ZNF91: variants seen among roughly 807,000 people sequenced by gnomAD.
ZNF91 encodes the protein zinc finger protein 91 (HPF7, HTF10).
In ZNF91, 7 loss-of-function variants were observed where a neutral mutation model predicts 12.6. The observed-to-expected ratio is 0.55, with a 90% confidence interval of 0.31 to 1.04. The LOEUF (loss-of-function observed/expected upper bound fraction) is 1.04. ZNF91 is among the 50% of genes least tolerant of loss of function. The pLI is 0.05. For synonymous variants in ZNF91, 453 were observed against 462.6 expected, an observed-to-expected ratio of 0.98 and a Z score of 0.27; for missense variants, 1,217 against 1,385.4, an observed-to-expected ratio of 0.88 and a Z score of 1.93.
downstream of ZNF91, chr19:23,338,098 A>T (rs1968049575): frequency 6.6e-6 from 1 of 152,154 alleles, no homozygotes; most frequent in African/African-American, 2.4e-5. Context: ...AATTGATGAA[A>T]ACTTTCCAAC....
chr19:23,359,676 G>A lies in ZNF91; in HGVS notation c.3303C>T (p.Thr1101=), dbSNP rs143698062. 133 of 1,608,452 alleles carry A rather than the reference G, an allele frequency of 8.3e-5. No homozygotes were observed. Among genetic ancestry groups the A allele is most frequent in the East Asian group, 4.1e-4 (18 of 44,432 alleles). ...CTCCACATTTGTAGGGTTTCTCTCC[G>A]GTGTGCAACCTCTTATGTCTAGTTA... is the stretch of plus-strand genomic sequence containing the variant. ...STLTRHKRLH[T]GEKPYKCGEC... The change falls in exon 4 of 4, where the codon ACC becomes ACT. Residue 1101 remains threonine, a synonymous_variant. Transcript: ENST00000300619.
At chr19:23,366,206 C>A (rs1199147277) in intron 3 of ZNF91, among the ~76,000 whole-genome samples, 5 of 151,558 alleles carry the variant, frequency 3.3e-5, no homozygotes, top group Admixed American at 6.6e-5. Context: ...CTGACCCCCC[C>A]ACCTCCCTCC....
At chr19:23,386,061 T>C (rs1969860914) in intron 1 of ZNF91, among the ~76,000 whole-genome samples, 1 of 152,090 alleles carries the variant, frequency 6.6e-6, no homozygotes, top group South Asian at 2.1e-4. Flanking sequence ...ATAATCCCAT[T>C]CACAATTGCT....
chr19:23,305,295 G>T (rs1210082407), intron 3 of ZNF91, among the ~76,000 whole-genome samples: 1 of 152,094 alleles, frequency 6.6e-6, no homozygotes, highest in Admixed American at 6.5e-5. Flanking sequence ...GTAAGTCAGA[G>T]ATCATTTCCC....
intron 1 of ZNF91, among the ~76,000 whole-genome samples, chr19:23,385,959 GA>G (rs551805402): frequency 2.0e-5 from 3 of 151,902 alleles, no homozygotes; most frequent in Admixed American, 1.3e-4. Context: ...CATGCCTTTG[GA>G]AAAAAATAAT....
chr19:23,373,346 TTATATATATA>T (rs200251921), intron 3 of ZNF91, among the ~76,000 whole-genome samples: 3,193 of 85,758 alleles, frequency 0.037, 125 homozygotes, highest in African/African-American at 0.1. Flanking sequence ...TCATGTAATC[TTATATATATA>T]TATATATATA....
chr19:23,372,280 C>G (rs997003525), intron 3 of ZNF91, among the ~76,000 whole-genome samples: 1 of 151,866 alleles, frequency 6.6e-6, no homozygotes, highest in Non-Finnish European at 1.5e-5. Flanking sequence ...ATTTGGCAGC[C>G]ATTCCTGACA....
At chr19:23,315,359 C>T (rs1307699774), upstream of ZNF91, among the ~76,000 whole-genome samples, 2 of 152,154 alleles carry the variant, frequency 1.3e-5, no homozygotes, top group African/African-American at 4.8e-5. Flanking sequence ...GCTGTTTTAC[C>T]TGGACTCTGC....
chr19:23,320,025 A>G (rs1421426944), intron 1 of ZNF91, among the ~76,000 whole-genome samples: 1 of 152,204 alleles, frequency 6.6e-6, no homozygotes, highest in Non-Finnish European at 1.5e-5. Context: ...GTCCAAGGAC[A>G]CAAGAAATAC....
chr19:23,395,453 T>C lies in ZNF91; in HGVS notation c.-99A>G, dbSNP rs1271683540. The C allele has an allele frequency of 6.9e-7, 1 of 1,453,390 alleles. No individual in the cohort carries two copies. Among genetic ancestry groups the C allele is most frequent in the Non-Finnish European group, 9.4e-7 (1 of 1,061,872 alleles). 90.0% of individuals were successfully genotyped at this position (1,453,390 alleles called of 1,614,324 possible). ...AGCAGTGAAGTCGAGACCTGGAAACTCCGGCGGCAGCGAGAGACAAAGGCC... is the reference window on the plus strand; with the variant it reads ...AGCAGTGAAGTCGAGACCTGGAAACCCCGGCGGCAGCGAGAGACAAAGGCC... On this transcript the variant is annotated 5_prime_UTR_variant, in exon 1 of 4. Coordinates refer to ENST00000300619, the MANE Select transcript of ZNF91 (RefSeq NM_003430.4).
At chr19:23,387,772 T>C (rs1461277480) in intron 1 of ZNF91, among the ~76,000 whole-genome samples, 2 of 151,512 alleles carry the variant, frequency 1.3e-5, no homozygotes, top group African/African-American at 2.4e-5. Context: ...AAACCCCATC[T>C]CTTCTAAAAA....
upstream of ZNF91, among the ~76,000 whole-genome samples, chr19:23,311,243 T>C (rs942529767): frequency 2.4e-4 from 36 of 152,056 alleles, no homozygotes; most frequent in Non-Finnish European, 5.9e-5. Flanking sequence ...CTCTGACCAA[T>C]AAGGAATTTG....
At chr19:23,381,530 C>A (rs1342293418) in intron 1 of ZNF91, among the ~76,000 whole-genome samples, 1 of 149,110 alleles carries the variant, frequency 6.7e-6, no homozygotes, top group African/African-American at 2.5e-5. Flanking sequence ...GGCATGATCT[C>A]GGCTCACCTC....
chr19:23,337,345 T>C (rs187586672), downstream of ZNF91, among the ~76,000 whole-genome samples: 98 of 117,050 alleles, frequency 8.4e-4, no homozygotes, highest in African/African-American at 2.5e-3. Flanking sequence ...TATGTGTGTG[T>C]GTATGTGTGT....
intron 1 of ZNF91, among the ~76,000 whole-genome samples, chr19:23,318,019 G>A (rs977085729): frequency 6.6e-6 from 1 of 152,154 alleles, no homozygotes; most frequent in Non-Finnish European, 1.5e-5. Flanking sequence ...ATGGAATTTT[G>A]ACATCTTGCT....
chr19:23,337,247 T>A (rs11669399), downstream of ZNF91, among the ~76,000 whole-genome samples: 28,591 of 151,892 alleles, frequency 0.19, 2,912 homozygotes, highest in Non-Finnish European at 0.21. Flanking sequence ...AAAATCAACC[T>A]AAGAGAAAAG....
chr19:23,363,589 T>G (rs1968893311), intron 3 of ZNF91, among the ~76,000 whole-genome samples: 1 of 152,186 alleles, frequency 6.6e-6, no homozygotes, highest in South Asian at 2.1e-4. Flanking sequence ...AAAACTACAT[T>G]ATAAAGACTT....
intron 1 of ZNF91, chr19:23,328,117 G>C (rs990724713): frequency 6.6e-6 from 1 of 151,732 alleles, no homozygotes; most frequent in Non-Finnish European, 1.5e-5. Context: ...GCTTGTGAAG[G>C]TTCTGTCTTT....
chr19:23,323,029 C>T (rs547535068), intron 1 of ZNF91, among the ~76,000 whole-genome samples: 1,440 of 49,356 alleles, frequency 0.029, 83 homozygotes, highest in Admixed American at 0.19. Flanking sequence ...TTCTCCTCGT[C>T]CTTTCTCCTT....
Sources: gnomAD v4.1 joint callset for allele counts (sites outside exome capture counted in the v4.1 genomes callset) on GRCh38, gnomAD v4.1.1 for gene constraint, MANE v1.5 for transcripts, NCBI Gene and HGNC (gene_info 2026-07-23, HGNC 2026-07-21) for gene names.